Variants in PDS5A observed in about 807,000 individuals in gnomAD.
PDS5A encodes sister chromatid cohesion protein PDS5 homolog A.
In PDS5A, 42 loss-of-function variants were observed where a neutral mutation model predicts 167.1. That is an observed-to-expected ratio of 0.25 (90% CI 0.20 to 0.33). The LOEUF (loss-of-function observed/expected upper bound fraction) is 0.33, where lower values mean the gene tolerates loss of function less well. Ranked by LOEUF, PDS5A falls within the 10% of genes least tolerant of loss-of-function variation. PDS5A has a pLI of 1.00. For missense variants in PDS5A, 1,033 were observed against 1,605.9 expected (o/e 0.64, Z 6.10); for synonymous variants, 553 against 554.6 (o/e 1.00, Z 0.04).
intron 26 of PDS5A, 57 bp downstream of exon 26, chr4:39,862,162 C>T (rs1719056649): frequency 3.3e-6 from 2 of 606,660 alleles, no homozygotes; most frequent in South Asian, 6.2e-5. Flanking sequence ...AAAAAATTTA[C>T]CATTTTTTGA....
rs1723790157 is a variant in PDS5A, at chr4:39,910,451, T to C, written c.993-113A>G. On this transcript the variant is annotated intron_variant, in intron 9 of 32. Coordinates refer to ENST00000303538, the MANE Select transcript of PDS5A (RefSeq NM_001100399.2). ...GCAACAATAGTTACTGATTAGAAAATTTGTTATGAGCTAAGGTATTCTGAA... is the reference window on the plus strand; with the variant it reads ...GCAACAATAGTTACTGATTAGAAAACTTGTTATGAGCTAAGGTATTCTGAA... 5 of 613,244 alleles carry C rather than the reference T, an allele frequency of 8.2e-6. No homozygotes were observed. In the South Asian group the frequency reaches 1.0e-4, roughly 12 times the overall value. The allele number at this position is 613,244 out of a possible 1,614,324, so 38.0% of individuals were successfully genotyped here.
chr4:39,885,246 T>TAAA (rs34192127), intron 17 of PDS5A, among the ~76,000 whole-genome samples: 64 of 110,302 alleles, frequency 5.8e-4, no homozygotes, highest in African/African-American at 2.2e-3. Flanking sequence ...GATTCCTTCT[T>TAAA]AAAAAAAAAA....
chr4:39,912,294 A>T (rs1335148662), intron 9 of PDS5A, among the ~76,000 whole-genome samples: 1 of 152,174 alleles, frequency 6.6e-6, no homozygotes, highest in African/African-American at 2.4e-5. Flanking sequence ...ATATTGGGTG[A>T]TTTCATTTTT....
At chr4:39,937,672 A>G (rs1029208419) in intron 2 of PDS5A, among the ~76,000 whole-genome samples, 1 of 152,092 alleles carries the variant, frequency 6.6e-6, no homozygotes, top group Admixed American at 6.5e-5. Context: ...TCCTGCCTTG[A>G]CTTCCCAAAG....
At chr4:39,939,119 C>T (rs1726968377) in intron 2 of PDS5A, among the ~76,000 whole-genome samples, 1 of 151,730 alleles carries the variant, frequency 6.6e-6, no homozygotes, top group Non-Finnish European at 1.5e-5. Context: ...GTCCCAGCTA[C>T]TTGGGAGGCT....
intron 2 of PDS5A, among the ~76,000 whole-genome samples, chr4:39,940,898 A>G (rs1727162607): frequency 6.6e-6 from 1 of 152,208 alleles, no homozygotes. Context: ...TCAAACTTCT[A>G]GGCTCAAGCA....
chr4:39,881,413 T>C (rs751630099), intron 17 of PDS5A, among the ~76,000 whole-genome samples: 2 of 152,208 alleles, frequency 1.3e-5, no homozygotes, highest in Admixed American at 1.3e-4. Flanking sequence ...CTTACAGATG[T>C]TGAAGTTTAA....
At position 39,861,756 on chromosome 4, in the gene PDS5A, A is replaced by G. The variant is rs114049510; in HGVS notation, c.3086+463T>C. ...TTACACATTGTATGCATGTACCAAAATATTACGTGTACCTCATAAATGTAT... is the reference window on the plus strand; with the variant it reads ...TTACACATTGTATGCATGTACCAAAGTATTACGTGTACCTCATAAATGTAT... On this transcript the variant is annotated intron_variant, in intron 26 of 32. Transcript: ENST00000303538. Among the ~76,000 whole-genome samples, 363 of 152,320 alleles carry G rather than the reference A, an allele frequency of 2.4e-3. 2 individuals are homozygous for G. Among genetic ancestry groups the G allele is most frequent in the Non-Finnish European group, 4.2e-3 (283 of 68,028 alleles).
chr4:39,926,334 C>G (rs1725462235), intron 4 of PDS5A, among the ~76,000 whole-genome samples: 1 of 152,024 alleles, frequency 6.6e-6, no homozygotes, highest in Non-Finnish European at 1.5e-5. Flanking sequence ...CCAGCCTCAA[C>G]ATGGAGAAAC....
chr4:39,933,650 A>G (rs1009650871), intron 2 of PDS5A: 1 of 152,132 alleles, frequency 6.6e-6, no homozygotes, highest in African/African-American at 2.4e-5. Flanking sequence ...GAAGGACCAC[A>G]AAGTCTATTC....
At chr4:39,949,529 C>G (rs1728122277) in intron 2 of PDS5A, among the ~76,000 whole-genome samples, 1 of 151,830 alleles carries the variant, frequency 6.6e-6, no homozygotes, top group Non-Finnish European at 1.5e-5. Context: ...GAGATGATAA[C>G]TGTTCTAAAA....
intron 2 of PDS5A, among the ~76,000 whole-genome samples, chr4:39,930,246 A>AAAAAAAAAAAAAAAAAAAATTTTTTT: frequency 1.1e-5 from 1 of 93,090 alleles, no homozygotes; most frequent in Non-Finnish European, 2.2e-5. Context: ...AAAAAAAAAA[A>AAAAAAAAAAAAAAAAAAAATTTTTTT]GTTTTTTTGT....
intron 2 of PDS5A, among the ~76,000 whole-genome samples, chr4:39,952,294 G>C (rs1431278852): frequency 2.0e-5 from 3 of 152,180 alleles, no homozygotes; most frequent in Non-Finnish European, 4.4e-5. Flanking sequence ...TCATGCCACT[G>C]CACTCCAGTA....
chr4:39,923,740 AGG>A (rs1725226824), intron 5 of PDS5A, among the ~76,000 whole-genome samples: 2 of 152,070 alleles, frequency 1.3e-5, no homozygotes, highest in African/African-American at 4.8e-5. Context: ...TAAAATTTTA[AGG>A]AAACAAACAA....
intron 2 of PDS5A, among the ~76,000 whole-genome samples, chr4:39,955,320 G>A (rs1289692029): frequency 1.3e-5 from 2 of 152,078 alleles, no homozygotes; most frequent in African/African-American, 4.8e-5. Context: ...AGCACTCTAG[G>A]GCCGGGCGTG....
intron 2 of PDS5A, among the ~76,000 whole-genome samples, chr4:39,939,479 G>GAAAA (rs141707821): frequency 1.4e-5 from 2 of 144,536 alleles, no homozygotes. Context: ...AACCTAAAAT[G>GAAAA]AAAAAAAAAA....
At chr4:39,919,199 T>C (rs1724684941) in intron 7 of PDS5A, among the ~76,000 whole-genome samples, 1 of 151,604 alleles carries the variant, frequency 6.6e-6, no homozygotes, top group African/African-American at 2.4e-5. Context: ...ATATAAATGT[T>C]AGATTCACAA....
chr4:39,966,831 C>G (rs1469237004), intron 2 of PDS5A, among the ~76,000 whole-genome samples: 3 of 151,672 alleles, frequency 2.0e-5, no homozygotes, highest in Non-Finnish European at 4.4e-5. Flanking sequence ...AACCCCGTCT[C>G]TACTAAAAAT....
chr4:39,912,711 C>T (rs189173245), intron 9 of PDS5A, among the ~76,000 whole-genome samples: 2 of 152,256 alleles, frequency 1.3e-5, no homozygotes, highest in East Asian at 3.9e-4. Context: ...TTCCAATCAG[C>T]TTTTAAAGCA....
Sources: allele counts gnomAD v4.1 joint callset (sites outside exome capture counted in the v4.1 genomes callset), GRCh38; gene constraint gnomAD v4.1.1; transcripts MANE v1.5; gene names NCBI Gene and HGNC (gene_info 2026-07-23, HGNC 2026-07-21).